Variants in NBEA observed in about 807,000 individuals in gnomAD.
NBEA encodes lysosomal-trafficking regulator 2.
NBEA carries 44 observed loss-of-function variants against 343.4 expected under a neutral mutation model. That is an observed-to-expected ratio of 0.13 (90% CI 0.10 to 0.16). The LOEUF (loss-of-function observed/expected upper bound fraction) is 0.16, where lower values mean the gene tolerates loss of function less well. Among genes scored for constraint, NBEA ranks in the 10% least tolerant of loss-of-function variants. The pLI, the probability that NBEA is intolerant of heterozygous loss-of-function variation, is 1.00. For synonymous variants in NBEA, 1,175 were observed against 1,238.7 expected (o/e 0.95, Z 1.08); for missense variants, 2,555 against 3,631.3 (o/e 0.70, Z 7.62).
chr13:35,584,742 C>T (rs2081215637), intron 46 of NBEA, among the ~76,000 whole-genome samples: 2 of 152,078 alleles, frequency 1.3e-5, no homozygotes, highest in Admixed American at 1.3e-4. Flanking sequence ...TCAGGTGATC[C>T]ACCTGTCTTG....
intron 32 of NBEA, 141 bp downstream of exon 32, chr13:35,208,995 G>C: frequency 1.3e-6 from 1 of 749,282 alleles, no homozygotes; most frequent in Non-Finnish European, 2.0e-6. Context: ...TTTATGTTAT[G>C]ACTTTTAGAA....
At chr13:34,971,146 G>A (rs1434517360) in intron 1 of NBEA, among the ~76,000 whole-genome samples, 1 of 151,568 alleles carries the variant, frequency 6.6e-6, no homozygotes, top group Non-Finnish European at 1.5e-5. Context: ...AATTGTGAGT[G>A]GGAGTTTGTT....
chr13:35,278,612 T>C (rs2034814906), intron 34 of NBEA, among the ~76,000 whole-genome samples: 1 of 152,232 alleles, frequency 6.6e-6, no homozygotes, highest in Non-Finnish European at 1.5e-5. Context: ...AGAAATTTGA[T>C]GCTTAAATAA....
At chr13:35,440,137 C>A (rs1460499306) in intron 39 of NBEA, among the ~76,000 whole-genome samples, 1 of 152,220 alleles carries the variant, frequency 6.6e-6, no homozygotes, top group Non-Finnish European at 1.5e-5. Context: ...GTCTTGGCCT[C>A]CCAAAGTGCT....
chr13:35,595,348 T>C (rs1209799266), intron 47 of NBEA, among the ~76,000 whole-genome samples: 1 of 152,066 alleles, frequency 6.6e-6, no homozygotes, highest in Non-Finnish European at 1.5e-5. Context: ...CAGCTTTTTT[T>C]TTCCCCAAAG....
At chr13:35,304,337 G>C (rs1367929744) in intron 35 of NBEA, among the ~76,000 whole-genome samples, 3 of 151,636 alleles carry the variant, frequency 2.0e-5, no homozygotes, top group Admixed American at 6.6e-5. Context: ...TTCTCTGTGT[G>C]TGTGTGTGTG....
intron 38 of NBEA, among the ~76,000 whole-genome samples, chr13:35,422,097 T>G (rs28778406): frequency 3.1e-3 from 137 of 44,640 alleles, no homozygotes; most frequent in African/African-American, 0.02. Flanking sequence ...TGTTTGTTTT[T>G]TTTTTTTTTT....
intron 58 of NBEA, among the ~76,000 whole-genome samples, chr13:35,669,347 C>T (rs942219039): frequency 5.3e-5 from 8 of 152,250 alleles, no homozygotes; most frequent in South Asian, 2.1e-4. Context: ...TGTTAATCAA[C>T]GTTTTTCCCA....
intron 55 of NBEA, 96 bp from the exon 56 acceptor site, chr13:35,664,989 A>C: frequency 2.4e-6 from 2 of 817,354 alleles, no homozygotes; most frequent in Non-Finnish European, 4.1e-6. Flanking sequence ...TAATGCCCTT[A>C]ATAAACATGG....
At chr13:35,251,636 T>C in intron 34 of NBEA, 1 of 1,012,160 alleles carries the variant, frequency 9.9e-7, no homozygotes, top group Non-Finnish European at 1.3e-6. Context: ...AGATTTGAGG[T>C]GGAAAAGGAT....
intron 38 of NBEA, among the ~76,000 whole-genome samples, chr13:35,429,656 G>A (rs2044955938): frequency 6.6e-6 from 1 of 152,104 alleles, no homozygotes; most frequent in Non-Finnish European, 1.5e-5. Flanking sequence ...CTGGGGAACA[G>A]GCAGTATTTG....
At chr13:35,566,147 G>C (rs2080126397) in intron 44 of NBEA, among the ~76,000 whole-genome samples, 1 of 152,142 alleles carries the variant, frequency 6.6e-6, no homozygotes, top group Admixed American at 6.5e-5. Flanking sequence ...TGGATCACAA[G>C]GTCAGGAGTT....
At chr13:35,366,696 G>A (rs1225593311) in intron 38 of NBEA, among the ~76,000 whole-genome samples, 5 of 134,458 alleles carry the variant, frequency 3.7e-5, no homozygotes, top group Non-Finnish European at 1.5e-5. Context: ...CAGCTACTCA[G>A]GTATTCAGGA....
chr13:35,276,852 A>G (rs943399606), intron 34 of NBEA, among the ~76,000 whole-genome samples: 3 of 152,230 alleles, frequency 2.0e-5, no homozygotes, highest in Non-Finnish European at 4.4e-5. Flanking sequence ...TGCTCTAAGC[A>G]AAGTCCACGT....
chr13:35,425,162 A>G (rs1245067297), intron 38 of NBEA, among the ~76,000 whole-genome samples: 3 of 151,942 alleles, frequency 2.0e-5, no homozygotes, highest in African/African-American at 4.8e-5. Context: ...TTCTGCTCTA[A>G]TCTTAGTTAT....
chr13:35,670,868 T>G, intron 58 of NBEA, 33 bp from the exon 59 acceptor site: 1 of 1,449,972 alleles, frequency 6.9e-7, no homozygotes, highest in Non-Finnish European at 9.5e-7. Flanking sequence ...AATGATTTTA[T>G]ATCACTCTTA....
chr13:35,638,283 T>G (rs2083788201), intron 49 of NBEA, among the ~76,000 whole-genome samples: 1 of 152,174 alleles, frequency 6.6e-6, no homozygotes, highest in Non-Finnish European at 1.5e-5. Flanking sequence ...CACAATTAAC[T>G]TTTTTTAAAG....
At position 35,593,410 on chromosome 13, in the gene NBEA, C is replaced by G; in HGVS notation, c.7259C>G (p.Ser2420Cys). 6.2e-7 allele frequency: 1 copy of G among 1,611,944 alleles called. No individual in the cohort carries two copies. The highest frequency in any genetic ancestry group is 8.5e-7 in the Non-Finnish European group (1 of 1,178,378). The change falls in exon 47 of 59, where the codon TCT becomes TGT. Residue 2420 changes from serine (S) to cysteine (C), a missense_variant. This residue lies in a region of NBEA where 156 missense variants were observed against 185.8 expected (regional missense o/e 0.84). Coordinates refer to ENST00000379939, the MANE Select transcript of NBEA (RefSeq NM_001385012.1). ...CGAACCTTCTCATCCGTTGCAAGGT[C>G]TTGGAGAACTAGTCAGAGAGATACT... ...PDRTFSSVAR[S>C]WRTSQRDTSD... is the part of the protein sequence containing the mutation.
intron 8 of NBEA, among the ~76,000 whole-genome samples, chr13:35,066,363 C>T (rs1409774505): frequency 1.3e-5 from 2 of 152,074 alleles, no homozygotes; most frequent in Non-Finnish European, 2.9e-5. Flanking sequence ...CAGTTTCCTT[C>T]TTGATCTTAT....
Sources: allele counts gnomAD v4.1 joint callset (sites outside exome capture counted in the v4.1 genomes callset), GRCh38; gene constraint gnomAD v4.1.1; regional missense constraint gnomAD v4.1.1; transcripts MANE v1.5; gene names NCBI Gene and HGNC (gene_info 2026-07-23, HGNC 2026-07-21).